KCNMA1: variants seen among roughly 807,000 people sequenced by gnomAD.
KCNMA1 encodes potassium calcium-activated channel subfamily M alpha 1, also known as Calcium-activated potassium channel subunit alpha-1.
Under a neutral mutation model 140.0 loss-of-function variants are expected in KCNMA1, and 29 were observed. That is an observed-to-expected ratio of 0.21 (90% CI 0.15 to 0.28). The LOEUF is 0.28. KCNMA1 is among the 10% of genes least tolerant of loss of function. The pLI is 1.00. For synonymous variants in KCNMA1, 612 were observed against 611.9 expected (o/e 1.00, Z 0.00); for missense variants, 880 against 1,602.2 (o/e 0.55, Z 7.70).
At chr10:77,232,192 G>A (rs974797310) in intron 3 of KCNMA1, among the ~76,000 whole-genome samples, 1 of 152,166 alleles carries the variant, frequency 6.6e-6, no homozygotes, top group Admixed American at 6.5e-5. Flanking sequence ...CTGTTGATGG[G>A]CATTTAGATT....
At chr10:77,526,782 A>G (rs1340666445) in intron 1 of KCNMA1, among the ~76,000 whole-genome samples, 1 of 152,216 alleles carries the variant, frequency 6.6e-6, no homozygotes, top group Non-Finnish European at 1.5e-5. Flanking sequence ...TCGCTGAGAT[A>G]GATTTCAGCA....
At chr10:77,057,053 A>G (rs1333849237) in intron 14 of KCNMA1, among the ~76,000 whole-genome samples, 2 of 152,186 alleles carry the variant, frequency 1.3e-5, no homozygotes. Context: ...ACTTCCCCAG[A>G]GACAAACCTA....
intron 19 of KCNMA1, among the ~76,000 whole-genome samples, chr10:76,995,938 G>A (rs1440951050): frequency 1.3e-5 from 2 of 152,116 alleles, no homozygotes; most frequent in Non-Finnish European, 2.9e-5. Flanking sequence ...TCCCAATCCT[G>A]TTTCAAAGAA....
chr10:77,619,544 A>G (rs576236741), intron 1 of KCNMA1, among the ~76,000 whole-genome samples: 2 of 152,294 alleles, frequency 1.3e-5, no homozygotes, highest in African/African-American at 4.8e-5. Context: ...GCTCTGCCCC[A>G]AAGGGTACAA....
At chr10:77,577,016 T>A (rs2074350337) in intron 1 of KCNMA1, among the ~76,000 whole-genome samples, 1 of 152,026 alleles carries the variant, frequency 6.6e-6, no homozygotes, top group African/African-American at 2.4e-5. Flanking sequence ...TGGAGAAGAA[T>A]GGAGAATTAC....
intron 5 of KCNMA1, among the ~76,000 whole-genome samples, chr10:77,153,863 T>G (rs767844699): frequency 2.0e-4 from 30 of 152,200 alleles, no homozygotes; most frequent in Non-Finnish European, 3.4e-4. Flanking sequence ...AGAGGCAGCA[T>G]TACCTAATGG....
intron 23 of KCNMA1, among the ~76,000 whole-genome samples, chr10:76,921,351 T>C (rs2055690768): frequency 1.3e-5 from 2 of 152,140 alleles, no homozygotes; most frequent in South Asian, 4.1e-4. Context: ...ACATCATCTA[T>C]GAGATGAATT....
At chr10:77,418,452 C>A (rs1379381699) in intron 1 of KCNMA1, among the ~76,000 whole-genome samples, 1 of 152,170 alleles carries the variant, frequency 6.6e-6, no homozygotes, top group Non-Finnish European at 1.5e-5. Flanking sequence ...TTTTGCCTAA[C>A]ATGGTTGAGG....
intron 1 of KCNMA1, among the ~76,000 whole-genome samples, chr10:77,482,991 TACACACACACACACACACAC>T (rs56364046): frequency 1.0e-3 from 130 of 126,858 alleles, no homozygotes; most frequent in African/African-American, 2.6e-3. Context: ...CTCTCTCACA[TACACACACACACACACACAC>T]ACACACACAC....
intron 24 of KCNMA1, chr10:76,911,394 G>T (rs2050169007): frequency 6.6e-6 from 1 of 152,188 alleles, no homozygotes; most frequent in African/African-American, 2.4e-5. Context: ...AGCAGCAATT[G>T]AATTGCAGGC....
intron 19 of KCNMA1, among the ~76,000 whole-genome samples, chr10:76,991,705 A>G (rs1338901056): frequency 6.6e-6 from 1 of 152,118 alleles, no homozygotes; most frequent in African/African-American, 2.4e-5. Flanking sequence ...ACTCTTGCCA[A>G]TATAGGAAGC....
At chr10:76,979,230 G>A (rs933152310) in intron 19 of KCNMA1, among the ~76,000 whole-genome samples, 1 of 152,114 alleles carries the variant, frequency 6.6e-6, no homozygotes, top group Non-Finnish European at 1.5e-5. Flanking sequence ...ACTTCCTCGT[G>A]GATTTACAAA....
chr10:77,276,933 T>C (rs1188668129), intron 2 of KCNMA1, among the ~76,000 whole-genome samples: 1 of 152,144 alleles, frequency 6.6e-6, no homozygotes, highest in Non-Finnish European at 1.5e-5. Flanking sequence ...ATCCCCACTT[T>C]ATAGCTGAGG....
intron 14 of KCNMA1, among the ~76,000 whole-genome samples, chr10:77,059,577 T>G (rs1188328459): frequency 1.3e-5 from 2 of 152,106 alleles, no homozygotes; most frequent in Non-Finnish European, 2.9e-5. Flanking sequence ...TTTACCATAT[T>G]AACAGTCTAA....
At chr10:77,170,896 A>G (rs2098699145) in intron 5 of KCNMA1, among the ~76,000 whole-genome samples, 1 of 152,224 alleles carries the variant, frequency 6.6e-6, no homozygotes, top group South Asian at 2.1e-4. Flanking sequence ...TTGAAATTGT[A>G]ATATGGAATA....
At chr10:77,537,877 A>G (rs2059267979) in intron 1 of KCNMA1, among the ~76,000 whole-genome samples, 2 of 152,018 alleles carry the variant, frequency 1.3e-5, no homozygotes. Context: ...ATTTTTTGGC[A>G]GGGCTCAGCA....
At chr10:77,142,348 G>A (rs2098194914) in intron 5 of KCNMA1, among the ~76,000 whole-genome samples, 1 of 150,484 alleles carries the variant, frequency 6.6e-6, no homozygotes, top group African/African-American at 2.4e-5. Flanking sequence ...TCCAGCCTGG[G>A]TGACAGAGGG....
At chr10:77,200,853 T>C (rs779889746) in intron 3 of KCNMA1, among the ~76,000 whole-genome samples, 7 of 152,176 alleles carry the variant, frequency 4.6e-5, no homozygotes, top group East Asian at 1.9e-4. Context: ...CCCAGGCACA[T>C]AGAAAAATTA....
downstream of KCNMA1, chr10:76,872,270 A>G (rs2031498856): frequency 6.6e-6 from 1 of 152,210 alleles, no homozygotes; most frequent in Non-Finnish European, 1.5e-5. Context: ...ACAGAAAGCA[A>G]AGCAAAATGT....
Sources: gnomAD v4.1 joint callset for allele counts (sites outside exome capture counted in the v4.1 genomes callset) on GRCh38, gnomAD v4.1.1 for gene constraint, MANE v1.5 for transcripts, NCBI Gene and HGNC (gene_info 2026-07-23, HGNC 2026-07-21) for gene names.